ITGB6: variants seen among roughly 807,000 people sequenced by gnomAD.
The protein encoded by ITGB6 is integrin beta-6.
ITGB6 carries 80 observed loss-of-function variants against 84.5 expected under a neutral mutation model. That is an observed-to-expected ratio of 0.95 (90% confidence interval 0.79 to 1.14). The LOEUF (loss-of-function observed/expected upper bound fraction) is 1.14, where lower values mean the gene tolerates loss of function less well. Among genes scored for constraint, ITGB6 ranks in the 50% most tolerant of loss-of-function variants. The probability of loss-of-function intolerance (pLI) is 0.00; values close to 1 mark genes in which losing one functional copy is unlikely to be tolerated. For synonymous variants in ITGB6, 383 were observed against 354.9 expected, an observed-to-expected ratio of 1.08 and a Z score of -0.89; for missense variants, 1,006 against 968.0, an observed-to-expected ratio of 1.04 and a Z score of -0.52.
chr2:160,133,472 A>G (rs1003501786), intron 10 of ITGB6, among the ~76,000 whole-genome samples: 1 of 152,108 alleles, frequency 6.6e-6, no homozygotes, highest in Non-Finnish European at 1.5e-5. Flanking sequence ...AGACTTTAAC[A>G]CCCCACTGTC....
intron 10 of ITGB6, among the ~76,000 whole-genome samples, chr2:160,134,710 A>G (rs1379050599): frequency 1.3e-5 from 2 of 152,224 alleles, no homozygotes; most frequent in African/African-American, 4.8e-5. Context: ...ACCCACCATG[A>G]TCAAGTGGGC....
intron 7 of ITGB6, among the ~76,000 whole-genome samples, chr2:160,143,107 G>A (rs1257931395): frequency 1.3e-5 from 2 of 152,134 alleles, no homozygotes; most frequent in African/African-American, 2.4e-5. Flanking sequence ...GGCCAACATG[G>A]TGAAACCCCG....
chr2:160,154,288 A>G (rs1684541168), intron 7 of ITGB6, among the ~76,000 whole-genome samples: 1 of 152,210 alleles, frequency 6.6e-6, no homozygotes, highest in Non-Finnish European at 1.5e-5. Context: ...TTTTAGGGAC[A>G]TGGATGAAGC....
At chr2:160,197,177 TC>T (rs1686375887) in intron 2 of ITGB6, among the ~76,000 whole-genome samples, 1 of 152,062 alleles carries the variant, frequency 6.6e-6, no homozygotes, top group South Asian at 2.1e-4. Context: ...GTGCCTGTAG[TC>T]CCAGCTACTT....
intron 12 of ITGB6, among the ~76,000 whole-genome samples, chr2:160,112,862 C>T (rs1465676641): frequency 6.6e-6 from 1 of 151,400 alleles, no homozygotes; most frequent in African/African-American, 2.4e-5. Context: ...TTATTGAGCT[C>T]ATTCAAGAGG....
Position 160,100,477 on chromosome 2 carries a change from T to G in ITGB6, c.*1259A>C, listed in dbSNP as rs564437270. 1 of 152,332 alleles carries G rather than the reference T, an allele frequency of 6.6e-6. No individual in the cohort carries two copies. Among genetic ancestry groups the G allele is most frequent in the South Asian group, 2.1e-4 (1 of 4,824 alleles). The allele number at this position is 152,332 out of a possible 1,614,324, so 9.4% of individuals were successfully genotyped here. A position where few individuals can be genotyped will look rare whatever the true frequency, so the allele number is the denominator to read the frequency against. ...CCTGCAGTGGAAAGAGGAGATGGCT[T>G]GGAGTTAGAAGAGCTAGATTCTGAA... is the stretch of plus-strand genomic sequence containing the variant. On this transcript the variant is annotated 3_prime_UTR_variant, in exon 15 of 15. Coordinates refer to ENST00000283249, the MANE Select transcript of ITGB6 (RefSeq NM_000888.5).
chr2:160,187,352 A>T (rs771603357), intron 4 of ITGB6, among the ~76,000 whole-genome samples: 1 of 152,216 alleles, frequency 6.6e-6, no homozygotes, highest in Admixed American at 6.5e-5. Flanking sequence ...TCATTTTAAC[A>T]ACATGAAACA....
At chr2:160,158,037 T>A (rs1464709534) in intron 7 of ITGB6, among the ~76,000 whole-genome samples, 2 of 152,194 alleles carry the variant, frequency 1.3e-5, no homozygotes, top group Non-Finnish European at 2.9e-5. Flanking sequence ...ACTGTGTTAC[T>A]AGGACACCCA....
chr2:160,136,146 A>G (rs1264109614), intron 10 of ITGB6, among the ~76,000 whole-genome samples: 2 of 152,220 alleles, frequency 1.3e-5, no homozygotes, highest in Non-Finnish European at 2.9e-5. Flanking sequence ...AATTTTTGCA[A>G]TCTACTCATC....
At chr2:160,187,131 A>G (rs929846569) in intron 4 of ITGB6, among the ~76,000 whole-genome samples, 9 of 152,148 alleles carry the variant, frequency 5.9e-5, no homozygotes, top group African/African-American at 2.2e-4. Context: ...TAAAAAATAG[A>G]AAAAAACAAT....
At chr2:160,151,826 C>G (rs1684431839) in intron 7 of ITGB6, among the ~76,000 whole-genome samples, 1 of 152,074 alleles carries the variant, frequency 6.6e-6, no homozygotes, top group Admixed American at 6.5e-5. Context: ...TACCTCAATG[C>G]AAATAAACTA....
intron 6 of ITGB6, among the ~76,000 whole-genome samples, chr2:160,170,890 C>T (rs960682580): frequency 6.6e-5 from 10 of 152,078 alleles, no homozygotes; most frequent in African/African-American, 2.4e-4. Flanking sequence ...TTTTGTGGTG[C>T]TTTTGAAAAG....
At chr2:160,142,571 A>G (rs1371350241) in intron 7 of ITGB6, among the ~76,000 whole-genome samples, 1 of 152,180 alleles carries the variant, frequency 6.6e-6, no homozygotes, top group Non-Finnish European at 1.5e-5. Context: ...GAATTATTGG[A>G]TGCTTGCACT....
chr2:160,159,694 C>G (rs980097776), intron 7 of ITGB6, among the ~76,000 whole-genome samples: 1 of 152,154 alleles, frequency 6.6e-6, no homozygotes, highest in South Asian at 2.1e-4. Flanking sequence ...CCTTTGCACA[C>G]GCCTTTGCCT....
At chr2:160,121,954 G>A (rs368289171) in intron 12 of ITGB6, among the ~76,000 whole-genome samples, 1 of 151,272 alleles carries the variant, frequency 6.6e-6, no homozygotes, top group East Asian at 1.9e-4. Flanking sequence ...CTCTTGTTGG[G>A]GGAAGGGTAG....
chr2:160,101,748 G>A lies in ITGB6; in HGVS notation c.2355C>T (p.Ser785=). The change falls in exon 15 of 15, where the codon TCC becomes TCT. Residue 785 remains serine, a synonymous_variant. Coordinates refer to ENST00000283249, the MANE Select transcript of ITGB6 (RefSeq NM_000888.5). ...KHREKQKVDL[S]TDC ...GCATAAAGTAGTTCTAGCAATCTGT[G>A]GAAAGGTCTACCTTTTGTTTTTCCC... 1 of 1,561,902 alleles carries A rather than the reference G, an allele frequency of 6.4e-7. No individual in the cohort carries two copies. Among genetic ancestry groups the A allele is most frequent in the South Asian group, 1.1e-5 (1 of 89,828 alleles).
chr2:160,185,918 T>C (rs1685875176), intron 4 of ITGB6, among the ~76,000 whole-genome samples: 1 of 152,120 alleles, frequency 6.6e-6, no homozygotes. Flanking sequence ...TGACTAGCCA[T>C]ATGCAAAAAA....
At position 160,172,634 on chromosome 2, in the gene ITGB6, C is replaced by T. The variant is rs576531469; in HGVS notation, c.856G>A (p.Val286Ile). The T allele has an allele frequency of 3.9e-5, 63 of 1,612,142 alleles. No homozygotes were observed. The highest frequency in any genetic ancestry group is 2.0e-4 in the South Asian group (18 of 90,954). ...TGACAGAGCCCGTCATTAGGAATGA[C>T]GATGCCTGCTAGTTTGCTGTCCATT... ...FGMDSKLAGI[V>I]IPNDGLCHLD... Residue 286 changes from valine to isoleucine, a missense_variant, in exon 6 of 15, where the codon GTC (valine) becomes ATC (isoleucine). Val to Ile is a conservative substitution (Grantham distance 29). Coordinates refer to ENST00000283249, the MANE Select transcript of ITGB6 (RefSeq NM_000888.5).
intron 7 of ITGB6, among the ~76,000 whole-genome samples, chr2:160,144,217 A>G (rs1454479610): frequency 6.6e-6 from 1 of 152,042 alleles, no homozygotes; most frequent in South Asian, 2.1e-4. Flanking sequence ...CTGAACTCTT[A>G]ACAGTGTGAG....
Sources: allele counts gnomAD v4.1 joint callset (sites outside exome capture counted in the v4.1 genomes callset), GRCh38; gene constraint gnomAD v4.1.1; transcripts MANE v1.5; gene names NCBI Gene and HGNC (gene_info 2026-07-23, HGNC 2026-07-21).